The following SNX9 variants were observed in gnomAD, a reference collection of about 807,000 sequenced individuals.
SNX9 encodes the protein sorting nexin-9.
A neutral mutation model predicts 89.4 loss-of-function variants in SNX9; 44 were observed. The observed-to-expected ratio is 0.49, with a 90% CI of 0.39 to 0.63. SNX9 has a LOEUF of 0.63. Ranked by LOEUF, SNX9 falls within the 30% of genes least tolerant of loss-of-function variation. The pLI is 0.00. For missense variants in SNX9, 578 were observed against 736.1 expected, an observed-to-expected ratio of 0.79 and a Z score of 2.49; for synonymous variants, 236 against 247.8, an observed-to-expected ratio of 0.95 and a Z score of 0.45.
In SNX9 at chr6:157,896,945, C is replaced by T; in HGVS notation, c.419C>T (p.Thr140Ile). 1.9e-6 allele frequency: 3 copies of T among 1,612,832 alleles called. No individual in the cohort carries two copies. Among genetic ancestry groups the T allele is most frequent in the Non-Finnish European group, 2.5e-6 (3 of 1,179,660 alleles). The change falls in exon 5 of 18, where the codon ACT (threonine) becomes ATT (isoleucine). Residue 140 changes from threonine (T) to isoleucine (I), a missense_variant. Around this residue, in one of 2 missense-constraint regions of SNX9, gnomAD observed 230 missense variants for 244.7 expected, o/e 0.94. Coordinates refer to ENST00000392185, the MANE Select transcript of SNX9 (RefSeq NM_016224.5). ...GCTGGAGCCCAAAGAAACACAAACACTCCCAACAACTGGGACACTGCCTTC... is the reference window on the plus strand; with the variant it reads ...GCTGGAGCCCAAAGAAACACAAACATTCCCAACAACTGGGACACTGCCTTC... ...EGAGAQRNTN[T>I]PNNWDTAFGH...
chr6:157,875,016 C>T, intron 3 of SNX9, 35 bp from the exon 4 acceptor site: 1 of 1,610,926 alleles, frequency 6.2e-7, no homozygotes, highest in Non-Finnish European at 8.5e-7. Flanking sequence ...TGACCGTAAT[C>T]TATGAAAATA....
intron 4 of SNX9, among the ~76,000 whole-genome samples, chr6:157,894,465 T>TAAA (rs1173887333): frequency 2.6e-3 from 258 of 100,668 alleles, no homozygotes; most frequent in African/African-American, 6.7e-3. Flanking sequence ...ATTTAAATGT[T>TAAA]AAAAAAAAAA....
At chr6:157,902,808 C>T (rs1224536140) in intron 6 of SNX9, among the ~76,000 whole-genome samples, 1 of 152,096 alleles carries the variant, frequency 6.6e-6, no homozygotes, top group African/African-American at 2.4e-5. Context: ...GCTGGGATTA[C>T]AAACATGTGC....
Position 157,894,530 on chromosome 6 carries a change from G to A in SNX9, c.301-2297G>A, listed in dbSNP as rs539679116. Reference sequence around the variant, plus strand: ...TTGCCTCAAGGGTGGGATGGTGGGGGCAGGGCTAATAGGTGCTAAGTGTAC... The same window carrying A: ...TTGCCTCAAGGGTGGGATGGTGGGGACAGGGCTAATAGGTGCTAAGTGTAC... On this transcript the variant is annotated intron_variant, in intron 4 of 17. Coordinates refer to ENST00000392185, the MANE Select transcript of SNX9 (RefSeq NM_016224.5). Among the ~76,000 whole-genome samples the A allele has an allele frequency of 4.6e-5, 7 of 151,778 alleles. No homozygotes were observed. The East Asian group carries it at 1.2e-3, about 25-fold the overall frequency.
At chr6:157,907,679 GA>G (rs1783246717) in intron 7 of SNX9, among the ~76,000 whole-genome samples, 1 of 152,210 alleles carries the variant, frequency 6.6e-6, no homozygotes, top group Non-Finnish European at 1.5e-5. Context: ...GTTTTAAGTA[GA>G]ACTGCACCCA....
chr6:157,823,431 C>G lies in SNX9; in HGVS notation c.-4C>G. On this transcript the variant is annotated 5_prime_UTR_variant, in exon 1 of 18. Transcript: ENST00000392185. This position sits in a 1 kb window ranked among gnomAD's most constrained non-coding sequence, Gnocchi z 4.6. ...GCCGTCCCGGGCCGGGGGACCCGCC[C>G]GCCATGGCCACCAAGGTGAGGGGCG... 8.0e-7 allele frequency: 1 copy of G among 1,246,224 alleles called. No homozygotes were observed. The highest frequency in any genetic ancestry group is 2.5e-5 in the South Asian group (1 of 39,922). The allele number at this position is 1,246,224 out of a possible 1,614,324, so 77.2% of individuals were successfully genotyped here.
intron 9 of SNX9, among the ~76,000 whole-genome samples, chr6:157,911,419 G>A (rs373631888): frequency 1.3e-5 from 2 of 152,170 alleles, no homozygotes; most frequent in East Asian, 1.9e-4. Flanking sequence ...CGCAAGAGTC[G>A]AGAGAAACAG....
intron 13 of SNX9, among the ~76,000 whole-genome samples, chr6:157,934,895 G>A (rs374430702): frequency 1.3e-5 from 2 of 152,134 alleles, no homozygotes; most frequent in East Asian, 1.9e-4. Context: ...TAAGGTCCAC[G>A]TCCCACCACA....
chr6:157,873,963 G>A (rs1295395873), intron 3 of SNX9: 2 of 152,224 alleles, frequency 1.3e-5, no homozygotes, highest in African/African-American at 2.4e-5. Context: ...CCGAGCGAAG[G>A]TTCTTGGTAA....
chr6:157,867,647 A>C lies in SNX9; in HGVS notation c.99+14A>C. Reference sequence around the variant, plus strand: ...ATCACAAATCCGGTAAGAGAACTGTACATTCGAGTCTGATTGTCCCATGTG... The same window carrying C: ...ATCACAAATCCGGTAAGAGAACTGTCCATTCGAGTCTGATTGTCCCATGTG... On this transcript the variant is annotated intron_variant, in intron 2 of 17. Transcript: ENST00000392185. 2 of 1,593,734 alleles carry C rather than the reference A, an allele frequency of 1.3e-6. No individual in the cohort carries two copies. Among genetic ancestry groups the C allele is most frequent in the East Asian group, 2.3e-5 (1 of 44,412 alleles).
chr6:157,905,299 A>G (rs1036470581), intron 6 of SNX9, among the ~76,000 whole-genome samples: 3 of 152,238 alleles, frequency 2.0e-5, no homozygotes, highest in Admixed American at 6.5e-5. Flanking sequence ...AGTAGAAGCA[A>G]TGCGACTGGA....
At chr6:157,845,296 A>G (rs1236250021) in intron 1 of SNX9, among the ~76,000 whole-genome samples, 5 of 151,768 alleles carry the variant, frequency 3.3e-5, no homozygotes, top group Non-Finnish European at 7.4e-5. Flanking sequence ...ATTTTAGTAG[A>G]GACGGCGTTT....
intron 12 of SNX9, among the ~76,000 whole-genome samples, chr6:157,931,497 G>A (rs994367027): frequency 6.6e-6 from 1 of 152,214 alleles, no homozygotes; most frequent in African/African-American, 2.4e-5. Context: ...AGCTTAAGGT[G>A]CAGAGACTCT....
intron 12 of SNX9, among the ~76,000 whole-genome samples, chr6:157,931,311 G>A (rs1783806928): frequency 6.6e-6 from 1 of 152,198 alleles, no homozygotes; most frequent in Non-Finnish European, 1.5e-5. Flanking sequence ...CCTGATAACT[G>A]CAGCTTATAG....
In SNX9 at chr6:157,894,096, CTTTTCTTTTCTTTTTTTTTTTTTT is replaced by C. The variant is rs1782921311; in HGVS notation, c.301-2726_301-2703del. The stretch of plus-strand genomic sequence containing the variant: ...CCTGTATCATTTCTTTTTCTTTTCG[CTTTTCTTTTCTTTTTTTTTTTTTT>C]TTTTTTTGAGACAGAGTCTCTCTGT... On this transcript the variant is annotated intron_variant, in intron 4 of 17. Transcript: ENST00000392185. 2.5e-5 allele frequency among the ~76,000 whole-genome samples: 3 copies of C among 120,554 alleles called. No individual in the cohort carries two copies. In the South Asian group the frequency reaches 7.9e-4, roughly 32 times the overall value. The allele number at this position is 120,554 out of a possible 152,430, so 79.1% of individuals were successfully genotyped here. A position where few individuals can be genotyped will look rare whatever the true frequency, so the allele number is the denominator to read the frequency against.
intron 2 of SNX9, among the ~76,000 whole-genome samples, chr6:157,869,934 C>T (rs1782357744): frequency 6.6e-6 from 1 of 152,092 alleles, no homozygotes; most frequent in Admixed American, 6.5e-5. Flanking sequence ...CTCTCATGCT[C>T]TCATACACTT....
intron 1 of SNX9, among the ~76,000 whole-genome samples, chr6:157,842,508 G>C (rs1781722479): frequency 6.6e-6 from 1 of 152,212 alleles, no homozygotes; most frequent in Non-Finnish European, 1.5e-5. Context: ...GGCTGTGCGG[G>C]AGACCTGAGT....
intron 5 of SNX9, among the ~76,000 whole-genome samples, chr6:157,901,405 A>G (rs1783095241): frequency 6.6e-6 from 1 of 152,196 alleles, no homozygotes; most frequent in African/African-American, 2.4e-5. Context: ...ACTCAAAAAA[A>G]CATTTGCCAA....
chr6:157,837,417 A>T (rs1781608120), intron 1 of SNX9, among the ~76,000 whole-genome samples: 1 of 152,260 alleles, frequency 6.6e-6, no homozygotes, highest in East Asian at 1.9e-4. Context: ...ATATAATGAA[A>T]ATAACTTTTA....
Sources: allele counts gnomAD v4.1 joint callset (sites outside exome capture counted in the v4.1 genomes callset), GRCh38; gene constraint gnomAD v4.1.1; regional missense constraint gnomAD v4.1.1; non-coding constraint Gnocchi (gnomAD v3.1); transcripts MANE v1.5; gene names NCBI Gene and HGNC (gene_info 2026-07-23, HGNC 2026-07-21).